The following CLEC6A variants were observed in gnomAD, a reference collection of about 807,000 sequenced individuals.
The protein encoded by CLEC6A is C-type lectin domain containing 6A.
In CLEC6A, 22 loss-of-function variants were observed where a neutral mutation model predicts 25.7. The observed-to-expected ratio is 0.85, with a 90% CI of 0.61 to 1.22. The LOEUF is 1.22. CLEC6A is among the 50% of genes most tolerant of loss of function. The pLI is 0.00. For synonymous variants in CLEC6A, 92 were observed against 76.7 expected, an observed-to-expected ratio of 1.20 and a Z score of -1.04; for missense variants, 240 against 236.8, an observed-to-expected ratio of 1.01 and a Z score of -0.09.
Position 8,475,587 on chromosome 12 carries a change from G to A in CLEC6A, c.370-538G>A, listed in dbSNP as rs117111553. Among the ~76,000 whole-genome samples the A allele has an allele frequency of 4.3e-4, 65 of 152,030 alleles. 1 individual carries two copies. In the East Asian group the frequency reaches 0.012, roughly 28 times the overall value. On this transcript the variant is annotated intron_variant, in intron 4 of 5. Coordinates refer to ENST00000382073, the MANE Select transcript of CLEC6A (RefSeq NM_001007033.2). ...GTAAAAGATTGATGTCTTAGGTCAA[G>A]CAGCAGGCAGGCAGGAAGAAATAAA...
intron 3 of CLEC6A, among the ~76,000 whole-genome samples, chr12:8,462,502 GA>G (rs1939771725): frequency 7.1e-6 from 1 of 141,698 alleles, no homozygotes; most frequent in Admixed American, 7.3e-5. Context: ...TGAGATAGGG[GA>G]AAACCGCCTT....
rs759471781 is a variant in CLEC6A at position 8,477,302 on chromosome 12, CT to C, written c.486-13del. On this transcript the variant is annotated splice_polypyrimidine_tract_variant and intron_variant, in intron 5 of 5. Coordinates refer to ENST00000382073, the MANE Select transcript of CLEC6A (RefSeq NM_001007033.2). ...TGCATTCTTTGAAGATGTGTACTAC[CT>C]TTTTGTTTTCCTTTAGATTTTGGCA... 1 of 1,598,490 alleles carries C rather than the reference CT, an allele frequency of 6.3e-7. No homozygotes were observed. The highest frequency in any genetic ancestry group is 1.1e-5 in the South Asian group (1 of 88,740).
At chr12:8,475,064 G>C (rs192065038) in intron 4 of CLEC6A, among the ~76,000 whole-genome samples, 105 of 152,042 alleles carry the variant, frequency 6.9e-4, no homozygotes, top group African/African-American at 2.3e-3. Context: ...CCCAGTGTGT[G>C]ATGTTCCCCG....
chr12:8,459,518 C>A, intron 2 of CLEC6A, 79 bp from the exon 3 acceptor site: 1 of 894,858 alleles, frequency 1.1e-6, no homozygotes, highest in Non-Finnish European at 1.9e-6. Context: ...CAGAGGTAAG[C>A]CAGCACTGTA....
At chr12:8,465,936 T>C (rs1265954298) in intron 4 of CLEC6A, among the ~76,000 whole-genome samples, 1 of 152,240 alleles carries the variant, frequency 6.6e-6, no homozygotes, top group Non-Finnish European at 1.5e-5. Context: ...TTGAATAACC[T>C]ACTTCATTTA....
intron 4 of CLEC6A, among the ~76,000 whole-genome samples, chr12:8,473,425 A>G (rs766448158): frequency 3.1e-4 from 47 of 152,228 alleles, no homozygotes; most frequent in African/African-American, 1.1e-3. Flanking sequence ...TTTAATGACT[A>G]TATAGTATTC....
intron 4 of CLEC6A, among the ~76,000 whole-genome samples, chr12:8,469,681 G>A (rs1939880181): frequency 6.6e-6 from 1 of 152,098 alleles, no homozygotes; most frequent in South Asian, 2.1e-4. Context: ...CGTAAAGTGG[G>A]AAAAGGACAC....
intron 4 of CLEC6A, among the ~76,000 whole-genome samples, chr12:8,470,280 T>C (rs1342330452): frequency 6.6e-6 from 1 of 151,940 alleles, no homozygotes; most frequent in African/African-American, 2.4e-5. Flanking sequence ...AACATCAAAA[T>C]ATAATAGATG....
chr12:8,469,005 GT>G (rs377663395), intron 4 of CLEC6A, among the ~76,000 whole-genome samples: 115 of 152,284 alleles, frequency 7.6e-4, no homozygotes, highest in African/African-American at 2.4e-3. Context: ...AACAATTGCT[GT>G]TTGCTGATGA....
chr12:8,473,839 T>C (rs1329240697), intron 4 of CLEC6A, among the ~76,000 whole-genome samples: 1 of 152,094 alleles, frequency 6.6e-6, no homozygotes, highest in Non-Finnish European at 1.5e-5. Flanking sequence ...AGATGTGCAT[T>C]TTTTCTTATG....
At chr12:8,461,109 G>C (rs1229443739) in intron 3 of CLEC6A, 13 of 1,594,492 alleles carry the variant, frequency 8.2e-6, no homozygotes, top group Non-Finnish European at 1.0e-5. Context: ...TGTGTGGGCT[G>C]ACATCTGCAG....
Position 8,477,506 on chromosome 12 carries a change from A to T in CLEC6A, c.*42A>T. The T allele has an allele frequency of 2.0e-6, 3 of 1,504,722 alleles. No individual in the cohort carries two copies. The highest frequency in any genetic ancestry group is 1.3e-5 in the South Asian group (1 of 79,314). 93.2% of individuals were successfully genotyped at this position (1,504,722 alleles called of 1,614,324 possible). A position where few individuals can be genotyped will look rare whatever the true frequency, so the allele number is the denominator to read the frequency against. ...AAAGAAGAGAAGAATTACTGACGTA[A>T]TTTTTTCCCTGACGTCTTTAAAATT... On this transcript the variant is annotated 3_prime_UTR_variant, in exon 6 of 6. Transcript: ENST00000382073.
chr12:8,465,664 A>G, intron 4 of CLEC6A, 35 bp downstream of exon 4: 1 of 1,578,078 alleles, frequency 6.3e-7, no homozygotes, highest in Non-Finnish European at 8.7e-7. Context: ...TTAATTGTAG[A>G]GAAAACACAC....
intron 4 of CLEC6A, among the ~76,000 whole-genome samples, chr12:8,469,398 T>C (rs981549565): frequency 6.6e-6 from 1 of 151,764 alleles, no homozygotes; most frequent in Non-Finnish European, 1.5e-5. Context: ...TCCATAAAAG[T>C]ACCACCATCA....
rs758521576 is a variant in CLEC6A at position 8,476,113 on chromosome 12, T to C, written c.370-12T>C. ...ACCAAAGTCTTTGACTCCTTTTTTTTCCTTCATGCAGAATTTCATTGTCCA... is the reference window on the plus strand; with the variant it reads ...ACCAAAGTCTTTGACTCCTTTTTTTCCCTTCATGCAGAATTTCATTGTCCA... On this transcript the variant is annotated splice_polypyrimidine_tract_variant and intron_variant, in intron 4 of 5. Transcript: ENST00000382073. The C allele has an allele frequency of 5.1e-6, 8 of 1,566,696 alleles. No individual in the cohort carries two copies. The highest frequency in any genetic ancestry group is 4.5e-5 in the East Asian group (2 of 44,616).
chr12:8,464,867 T>C (rs1350870592), intron 3 of CLEC6A, among the ~76,000 whole-genome samples: 2 of 152,212 alleles, frequency 1.3e-5, no homozygotes, highest in African/African-American at 2.4e-5. Context: ...AAATTAGTAA[T>C]AGGTAACATT....
Position 8,470,377 on chromosome 12 carries a change from T to G in CLEC6A, c.369+4748T>G, listed in dbSNP as rs1939889111. ...ACCACTGTGGAAAGCATTGTGGGGA[T>G]TCCTTAAAGAACTAAAAGCAGAATT... On this transcript the variant is annotated intron_variant, in intron 4 of 5. Transcript: ENST00000382073. Among the ~76,000 whole-genome samples, 3 of 152,122 alleles carry G rather than the reference T, an allele frequency of 2.0e-5. No individual in the cohort carries two copies. In the South Asian group the frequency reaches 6.2e-4, roughly 31 times the overall value.
intron 3 of CLEC6A, among the ~76,000 whole-genome samples, chr12:8,464,508 T>C (rs1003452894): frequency 2.0e-5 from 3 of 152,126 alleles, no homozygotes; most frequent in African/African-American, 7.2e-5. Flanking sequence ...TCTTTTTGTA[T>C]TTTTAGTAGA....
At chr12:8,460,569 A>G in intron 3 of CLEC6A, 1 of 926,868 alleles carries the variant, frequency 1.1e-6, no homozygotes, top group Non-Finnish European at 1.7e-6. Context: ...AGCTTCATGG[A>G]AAAGGGGAAG....
Sources: allele counts gnomAD v4.1 joint callset (sites outside exome capture counted in the v4.1 genomes callset), GRCh38; gene constraint gnomAD v4.1.1; transcripts MANE v1.5; gene names NCBI Gene and HGNC (gene_info 2026-07-23, HGNC 2026-07-21).